The following PARD3 variants were observed in gnomAD, a reference collection of about 807,000 sequenced individuals.
The protein encoded by PARD3 is partitioning defective 3 homolog.
Under a neutral mutation model 155.4 loss-of-function variants are expected in PARD3, and 75 were observed. The observed-to-expected ratio is 0.48, with a 90% CI of 0.40 to 0.58. The LOEUF is 0.58. Among genes scored for constraint, PARD3 ranks in the 20% least tolerant of loss-of-function variants. The pLI is 0.00. For missense variants in PARD3, 1,642 were observed against 1,721.7 expected, an observed-to-expected ratio of 0.95 and a Z score of 0.82; for synonymous variants, 576 against 610.5, an observed-to-expected ratio of 0.94 and a Z score of 0.83.
At chr10:34,523,406 GT>G (rs1172713071) in intron 2 of PARD3, among the ~76,000 whole-genome samples, 33 of 152,168 alleles carry the variant, frequency 2.2e-4, no homozygotes, top group Non-Finnish European at 2.6e-4. Flanking sequence ...ATATGCAATT[GT>G]TTTCCTATGA....
At chr10:34,345,723 A>T (rs1837344749) in intron 15 of PARD3, 1 of 985,190 alleles carries the variant, frequency 1.0e-6, no homozygotes. Context: ...AAGTTTCCTA[A>T]TTTTTTTGCC....
At chr10:34,377,657 G>C (rs1307364348) in intron 10 of PARD3, among the ~76,000 whole-genome samples, 1 of 152,096 alleles carries the variant, frequency 6.6e-6, no homozygotes, top group East Asian at 1.9e-4. Context: ...AAAGAGCTGG[G>C]CACGATGGCT....
chr10:34,784,666 AC>A (rs1840714005), intron 1 of PARD3, among the ~76,000 whole-genome samples: 1 of 152,030 alleles, frequency 6.6e-6, no homozygotes, highest in Non-Finnish European at 1.5e-5. Flanking sequence ...CGAACTCCTG[AC>A]CTCAAGCGAT....
intron 2 of PARD3, among the ~76,000 whole-genome samples, chr10:34,587,138 G>C (rs1336435656): frequency 6.6e-6 from 1 of 151,884 alleles, no homozygotes; most frequent in African/African-American, 2.4e-5. Flanking sequence ...TTTTTTGTTT[G>C]CTTGAGACAG....
At chr10:34,144,857 C>T (rs1206675023) in intron 22 of PARD3, among the ~76,000 whole-genome samples, 1 of 152,002 alleles carries the variant, frequency 6.6e-6, no homozygotes, top group African/African-American at 2.4e-5. Flanking sequence ...TCCTGGAGCC[C>T]TCTAACCTCA....
At chr10:34,610,806 T>A (rs756277087) in intron 2 of PARD3, among the ~76,000 whole-genome samples, 12 of 152,280 alleles carry the variant, frequency 7.9e-5, no homozygotes, top group Non-Finnish European at 1.5e-4. Context: ...AAGTTTGATA[T>A]GCAATAGAAC....
chr10:34,416,164 T>C (rs1007579154), intron 5 of PARD3, among the ~76,000 whole-genome samples: 1 of 152,066 alleles, frequency 6.6e-6, no homozygotes, highest in African/African-American at 2.4e-5. Context: ...GTAAACAGAG[T>C]GCAAAATCCA....
chr10:34,180,901 G>GC lies in PARD3; in HGVS notation c.3420-49319dup, dbSNP rs1053603740. The stretch of plus-strand genomic sequence containing the variant: ...AACAGAACTGCAAACAGAAGACACA[G>GC]CAAGTGCAAAGGCCCTGGAGCAACA... On this transcript the variant is annotated intron_variant, in intron 22 of 24. Coordinates refer to ENST00000374788, the MANE Select transcript of PARD3 (RefSeq NM_001184785.2). Among the ~76,000 whole-genome samples, 38 of 152,022 alleles carry GC rather than the reference G, an allele frequency of 2.5e-4. 1 individual carries two copies. Among genetic ancestry groups the GC allele is most frequent in the Non-Finnish European group, 1.0e-4 (7 of 68,016 alleles).
intron 1 of PARD3, among the ~76,000 whole-genome samples, chr10:34,757,992 C>T (rs1191847617): frequency 6.6e-6 from 1 of 152,152 alleles, no homozygotes; most frequent in African/African-American, 2.4e-5. Flanking sequence ...TTTCCTAAAC[C>T]AGCTTCCTTA....
chr10:34,708,880 T>G (rs2094408062), intron 1 of PARD3, among the ~76,000 whole-genome samples: 1 of 152,156 alleles, frequency 6.6e-6, no homozygotes. Flanking sequence ...TGAGATAATA[T>G]TAGGAAATGA....
chr10:34,504,186 G>T (rs537272759), intron 3 of PARD3, among the ~76,000 whole-genome samples: 1 of 152,008 alleles, frequency 6.6e-6, no homozygotes, highest in East Asian at 1.9e-4. Context: ...CTACAATGCA[G>T]TGGTATGATC....
At chr10:34,251,361 T>A (rs1454806250) in intron 22 of PARD3, among the ~76,000 whole-genome samples, 2 of 152,190 alleles carry the variant, frequency 1.3e-5, no homozygotes, top group African/African-American at 4.8e-5. Context: ...AGTGGTGGCA[T>A]CATACGAACA....
chr10:34,346,429 A>C (rs750646231), intron 15 of PARD3: 2 of 1,347,978 alleles, frequency 1.5e-6, no homozygotes, highest in Non-Finnish European at 2.0e-6. Flanking sequence ...GGTCTGATTC[A>C]GTATGGCAAG....
At chr10:34,740,248 A>G (rs1445536305) in intron 1 of PARD3, among the ~76,000 whole-genome samples, 5 of 152,160 alleles carry the variant, frequency 3.3e-5, no homozygotes. Flanking sequence ...CTGCTGGGAG[A>G]GCCCCCTGGG....
At chr10:34,689,983 C>T (rs1394193892) in intron 2 of PARD3, among the ~76,000 whole-genome samples, 4 of 152,236 alleles carry the variant, frequency 2.6e-5, no homozygotes, top group African/African-American at 9.6e-5. Context: ...CTTGCTATGT[C>T]GCCCAGGCTG....
At chr10:34,563,472 T>TTC (rs1369296712) in intron 2 of PARD3, among the ~76,000 whole-genome samples, 3 of 151,912 alleles carry the variant, frequency 2.0e-5, no homozygotes, top group Non-Finnish European at 4.4e-5. Flanking sequence ...GTTCAAGCGA[T>TTC]TCTCCTGCCT....
chr10:34,797,565 A>C (rs1842410608), intron 1 of PARD3, among the ~76,000 whole-genome samples: 1 of 152,220 alleles, frequency 6.6e-6, no homozygotes, highest in African/African-American at 2.4e-5. Context: ...TGTATCCATA[A>C]ACAAGCTCGA....
intron 1 of PARD3, among the ~76,000 whole-genome samples, chr10:34,740,895 CTATCACT>C (rs2094997761): frequency 6.6e-6 from 1 of 152,126 alleles, no homozygotes; most frequent in African/African-American, 2.4e-5. Flanking sequence ...TTACACAGAA[CTATCACT>C]ATATGAACAA....
At chr10:34,576,982 T>A (rs1328419294) in intron 2 of PARD3, among the ~76,000 whole-genome samples, 1 of 152,204 alleles carries the variant, frequency 6.6e-6, no homozygotes, top group African/African-American at 2.4e-5. Context: ...CACAGATTGA[T>A]AATTCCCGTT....
Sources: allele counts gnomAD v4.1 joint callset (sites outside exome capture counted in the v4.1 genomes callset), GRCh38; gene constraint gnomAD v4.1.1; transcripts MANE v1.5; gene names NCBI Gene and HGNC (gene_info 2026-07-23, HGNC 2026-07-21).